Variants in CCDC73 observed in about 807,000 individuals in gnomAD.
CCDC73 encodes the protein coiled-coil domain containing 73.
A neutral mutation model predicts 116.5 loss-of-function variants in CCDC73; 95 were observed. The observed-to-expected ratio is 0.82, with a 90% CI of 0.69 to 0.97. The LOEUF is 0.97. Among genes scored for constraint, CCDC73 ranks in the 50% least tolerant of loss-of-function variants. The pLI is 0.00. For synonymous variants in CCDC73, 398 were observed against 401.3 expected, an observed-to-expected ratio of 0.99 and a Z score of 0.10; for missense variants, 1,066 against 1,206.8, an observed-to-expected ratio of 0.88 and a Z score of 1.73.
At chr11:32,652,476 C>A (rs1214221283) in intron 12 of CCDC73, among the ~76,000 whole-genome samples, 1 of 152,172 alleles carries the variant, frequency 6.6e-6, no homozygotes, top group East Asian at 1.9e-4. Flanking sequence ...AAAAGGCAGT[C>A]TCCCCTTCTT....
chr11:32,829,978 C>G, the CCDC73 span: 1 of 984,658 alleles, frequency 1.0e-6, no homozygotes, highest in Non-Finnish European at 1.2e-6. Flanking sequence ...CGCGCGTGTT[C>G]CCCGGGCGCC....
chr11:32,631,251 A>G (rs914307392), intron 14 of CCDC73, among the ~76,000 whole-genome samples: 1 of 152,212 alleles, frequency 6.6e-6, no homozygotes, highest in Admixed American at 6.5e-5. Context: ...ATTGCCATTT[A>G]TAAAACATTC....
intron 9 of CCDC73, among the ~76,000 whole-genome samples, chr11:32,657,583 T>C (rs57682283): frequency 0.028 from 4,260 of 152,148 alleles, 189 homozygotes; most frequent in African/African-American, 0.095. Context: ...TCTGTGGGTA[T>C]AGCAAACTCT....
intron 1 of CCDC73, among the ~76,000 whole-genome samples, chr11:32,781,000 T>C (rs1237781899): frequency 6.6e-6 from 1 of 152,092 alleles, no homozygotes; most frequent in Non-Finnish European, 1.5e-5. Flanking sequence ...CCAGGTGTGG[T>C]GGTGCATGCC....
chr11:32,806,239 T>C, the CCDC73 span, among the ~76,000 whole-genome samples: 1 of 152,248 alleles, frequency 6.6e-6, no homozygotes. Flanking sequence ...TAGCTATTTT[T>C]GTGAAAGCCA....
At chr11:32,810,978 A>G in the CCDC73 span, among the ~76,000 whole-genome samples, 3 of 152,070 alleles carry the variant, frequency 2.0e-5, no homozygotes, top group Non-Finnish European at 4.4e-5. Context: ...TAAGAATGCA[A>G]AAATTAGCCG....
chr11:32,786,584 C>T (rs1850631618), intron 1 of CCDC73, among the ~76,000 whole-genome samples: 1 of 148,868 alleles, frequency 6.7e-6, no homozygotes, highest in Non-Finnish European at 1.5e-5. Flanking sequence ...AGCATCATTT[C>T]AGCATTCATC....
chr11:32,760,214 T>G lies in CCDC73; in HGVS notation c.30A>C (p.Ser10=). The G allele has an allele frequency of 6.3e-7, 1 of 1,586,044 alleles. No homozygotes were observed. Among genetic ancestry groups the G allele is most frequent in the Non-Finnish European group, 8.6e-7 (1 of 1,161,376 alleles). Reference sequence around the variant, plus strand: ...AAGAACTTTGAAGAGTAAAAGTAGATGATGACTCAGTATTGAAGTTGCTTT... The same window carrying G: ...AAGAACTTTGAAGAGTAAAAGTAGAGGATGACTCAGTATTGAAGTTGCTTT... The part of the protein sequence containing the change: MESNFNTES[S]STFTLQSSSE... The change falls in exon 2 of 18, where the codon TCA becomes TCC. Residue 10 remains serine, a synonymous_variant. Transcript: ENST00000335185.
chr11:32,635,657 C>T, intron 14 of CCDC73, 39 bp downstream of exon 14: 1 of 1,243,528 alleles, frequency 8.0e-7, no homozygotes, highest in Non-Finnish European at 1.0e-6. Flanking sequence ...GTCTTAATTT[C>T]TTTGATAGTT....
upstream of CCDC73, among the ~76,000 whole-genome samples, chr11:32,795,242 G>A (rs1242954344): frequency 6.6e-6 from 1 of 152,168 alleles, no homozygotes; most frequent in Non-Finnish European, 1.5e-5. Flanking sequence ...GCTGAGGTGG[G>A]AGGATTGCTT....
chr11:32,739,682 T>C (rs1300454828), intron 2 of CCDC73, among the ~76,000 whole-genome samples: 2 of 152,178 alleles, frequency 1.3e-5, no homozygotes, highest in South Asian at 4.1e-4. Context: ...TTGGATGCCC[T>C]TTATTTATTC....
chr11:32,730,130 G>A (rs1850062586), intron 2 of CCDC73, among the ~76,000 whole-genome samples: 1 of 152,128 alleles, frequency 6.6e-6, no homozygotes, highest in Non-Finnish European at 1.5e-5. Flanking sequence ...ATATAGTACA[G>A]TTTACTCCTT....
At chr11:32,639,862 T>C (rs1310211237) in intron 13 of CCDC73, among the ~76,000 whole-genome samples, 2 of 152,380 alleles carry the variant, frequency 1.3e-5, no homozygotes, top group South Asian at 2.1e-4. Flanking sequence ...TAAAAAGATA[T>C]ACATAACATT....
intron 2 of CCDC73, among the ~76,000 whole-genome samples, chr11:32,750,994 A>T (rs780817498): frequency 2.8e-4 from 42 of 152,130 alleles, no homozygotes; most frequent in Non-Finnish European, 4.0e-4. Flanking sequence ...GCTGCCGATT[A>T]TTCAAGGCCC....
the CCDC73 span, among the ~76,000 whole-genome samples, chr11:32,815,409 A>T: frequency 6.6e-6 from 1 of 151,092 alleles, no homozygotes; most frequent in South Asian, 2.1e-4. Context: ...GTCATAACTC[A>T]TTGTAACCTC....
At chr11:32,671,562 T>G (rs1011641265) in intron 9 of CCDC73, among the ~76,000 whole-genome samples, 1 of 152,198 alleles carries the variant, frequency 6.6e-6, no homozygotes, top group Non-Finnish European at 1.5e-5. Flanking sequence ...AATTTGATTC[T>G]CTTCTGAAAG....
intron 2 of CCDC73, among the ~76,000 whole-genome samples, chr11:32,726,263 T>C (rs1850028964): frequency 6.6e-6 from 1 of 152,208 alleles, no homozygotes; most frequent in African/African-American, 2.4e-5. Flanking sequence ...AGTCCAGATA[T>C]TGGATTTATT....
At chr11:32,652,659 T>C (rs1855836758) in intron 12 of CCDC73, among the ~76,000 whole-genome samples, 1 of 152,206 alleles carries the variant, frequency 6.6e-6, no homozygotes, top group Admixed American at 6.5e-5. Flanking sequence ...TTTCCTTATA[T>C]ATACTGGAAA....
chr11:32,604,222 C>T (rs1855315715), intron 17 of CCDC73: 1 of 152,236 alleles, frequency 6.6e-6, no homozygotes, highest in Admixed American at 6.5e-5. Context: ...TCCCTGGATT[C>T]AGGTGATCCT....
Sources: gnomAD v4.1 joint callset for allele counts (sites outside exome capture counted in the v4.1 genomes callset) on GRCh38, gnomAD v4.1.1 for gene constraint, MANE v1.5 for transcripts, NCBI Gene and HGNC (gene_info 2026-07-23, HGNC 2026-07-21) for gene names.